The following SAMTOR variants were observed in gnomAD, a reference collection of about 807,000 sequenced individuals.
SAMTOR encodes the protein UPF0532 protein C7orf60.
chr7:112,876,959 T>A, the SAMTOR span, among the ~76,000 whole-genome samples: 13 of 152,196 alleles, frequency 8.5e-5, no homozygotes, highest in African/African-American at 2.9e-4. Flanking sequence ...AATCTTCCCA[T>A]AAAAATTATC....
chr7:112,914,070 TAAAA>T, the SAMTOR span, among the ~76,000 whole-genome samples: 2 of 152,124 alleles, frequency 1.3e-5, no homozygotes, highest in Admixed American at 1.3e-4. Context: ...ATTTATTAAA[TAAAA>T]GAACTAAGTT....
chr7:112,851,895 G>GA, the SAMTOR span, among the ~76,000 whole-genome samples: 5 of 151,998 alleles, frequency 3.3e-5, no homozygotes, highest in South Asian at 2.1e-4. Context: ...ACAAATATAT[G>GA]AAAAAATGTT....
the SAMTOR span, among the ~76,000 whole-genome samples, chr7:112,903,215 A>C: frequency 2.0e-5 from 3 of 152,070 alleles, no homozygotes; most frequent in Non-Finnish European, 4.4e-5. Context: ...CGGGAGGCTG[A>C]GGCAGGAGAA....
the SAMTOR span, among the ~76,000 whole-genome samples, chr7:112,860,805 G>A: frequency 6.3e-4 from 95 of 151,658 alleles, no homozygotes; most frequent in Non-Finnish European, 1.1e-3. Flanking sequence ...CCAGCTACTC[G>A]GGAGGCTGGG....
the SAMTOR span, among the ~76,000 whole-genome samples, chr7:112,836,233 G>A: frequency 3.3e-5 from 5 of 152,232 alleles, no homozygotes; most frequent in South Asian, 2.1e-4. Flanking sequence ...TTTCTCTAAC[G>A]TTTAGTGATG....
the SAMTOR span, among the ~76,000 whole-genome samples, chr7:112,825,049 T>C: frequency 6.6e-6 from 1 of 152,080 alleles, no homozygotes; most frequent in African/African-American, 2.4e-5. Context: ...ACAGACAGGG[T>C]CTCACTCTGT....
the SAMTOR span, among the ~76,000 whole-genome samples, chr7:112,832,196 G>A: frequency 6.6e-6 from 1 of 151,718 alleles, no homozygotes; most frequent in Admixed American, 6.6e-5. Flanking sequence ...TTATTTTTTA[G>A]TAGAGACGGG....
chr7:112,886,555 C>T, the SAMTOR span, among the ~76,000 whole-genome samples: 18 of 152,262 alleles, frequency 1.2e-4, 1 homozygote, highest in African/African-American at 4.3e-4. Context: ...TCATATAAAG[C>T]AAGATTCTTT....
At chr7:112,916,213 T>G in the SAMTOR span, among the ~76,000 whole-genome samples, 1 of 152,170 alleles carries the variant, frequency 6.6e-6, no homozygotes, top group Non-Finnish European at 1.5e-5. Flanking sequence ...TTTATTTAAA[T>G]AAAATTAAAT....
the SAMTOR span, among the ~76,000 whole-genome samples, chr7:112,898,874 G>C: frequency 6.6e-6 from 1 of 152,236 alleles, no homozygotes; most frequent in African/African-American, 2.4e-5. Flanking sequence ...CCTGGGCTTA[G>C]AGTGCCCTCT....
the SAMTOR span, chr7:112,895,476 C>G: frequency 3.5e-6 from 3 of 851,892 alleles, no homozygotes; most frequent in African/African-American, 1.7e-5. Flanking sequence ...ACTGGAGGAG[C>G]AAGTAAACTG....
At chr7:112,870,976 A>G in the SAMTOR span, among the ~76,000 whole-genome samples, 1 of 152,208 alleles carries the variant, frequency 6.6e-6, no homozygotes, top group South Asian at 2.1e-4. Flanking sequence ...CCATGAGAAG[A>G]CTGAACTACC....
At chr7:112,895,460 G>A in the SAMTOR span, 2 of 702,482 alleles carry the variant, frequency 2.8e-6, no homozygotes, top group South Asian at 4.2e-5. Context: ...AGTCTATCAT[G>A]TAACTACTGG....
the SAMTOR span, among the ~76,000 whole-genome samples, chr7:112,919,214 C>A: frequency 6.6e-6 from 1 of 152,116 alleles, no homozygotes; most frequent in Non-Finnish European, 1.5e-5. Context: ...CTCTCCTCAG[C>A]AAATGTAAAA....
chr7:112,915,364 C>A, the SAMTOR span: 1 of 1,613,236 alleles, frequency 6.2e-7, no homozygotes, highest in African/African-American at 1.3e-5. Context: ...TGATTATCTG[C>A]CAAATTTTTC....
the SAMTOR span, among the ~76,000 whole-genome samples, chr7:112,875,474 A>G: frequency 1.3e-5 from 2 of 152,128 alleles, no homozygotes; most frequent in African/African-American, 4.8e-5. Context: ...AATACTGTGT[A>G]TTAGCATTAA....
chr7:112,913,743 C>G, the SAMTOR span, among the ~76,000 whole-genome samples: 10 of 152,188 alleles, frequency 6.6e-5, no homozygotes, highest in African/African-American at 2.4e-4. Context: ...CTGAAACATG[C>G]CAGCATGCCT....
chr7:112,904,042 T>C, the SAMTOR span, among the ~76,000 whole-genome samples: 1 of 152,052 alleles, frequency 6.6e-6, no homozygotes, highest in Non-Finnish European at 1.5e-5. Flanking sequence ...CTATTATAAA[T>C]AGTTATGTAT....
the SAMTOR span, among the ~76,000 whole-genome samples, chr7:112,866,682 A>AAT: frequency 2.6e-5 from 4 of 152,192 alleles, no homozygotes; most frequent in African/African-American, 9.7e-5. Context: ...TACCTCTTTA[A>AAT]ATAGCAGCTG....
Sources: allele counts gnomAD v4.1 joint callset (sites outside exome capture counted in the v4.1 genomes callset), GRCh38; gene constraint gnomAD v4.1.1; transcripts MANE v1.5; gene names NCBI Gene and HGNC (gene_info 2026-07-23, HGNC 2026-07-21).